ZNF415: variants seen among roughly 807,000 people sequenced by gnomAD.
The protein encoded by ZNF415 is zinc finger protein 415.
ZNF415 carries 5 observed loss-of-function variants against 7.3 expected under a neutral mutation model. That is an observed-to-expected ratio of 0.69 (90% CI 0.36 to 1.44). The LOEUF (loss-of-function observed/expected upper bound fraction) is 1.44, where lower values mean the gene tolerates loss of function less well. Among genes scored for constraint, ZNF415 ranks in the 40% most tolerant of loss-of-function variants. The pLI is 0.04. For missense variants in ZNF415, 628 were observed against 664.8 expected (o/e 0.94, Z 0.61); for synonymous variants, 207 against 226.3 (o/e 0.91, Z 0.77).
intron 2 of ZNF415, among the ~76,000 whole-genome samples, chr19:53,120,531 C>T (rs2087829223): frequency 6.6e-6 from 1 of 152,056 alleles, no homozygotes; most frequent in Admixed American, 6.6e-5. Flanking sequence ...AAAAGGGATA[C>T]TCTATATCTA....
At chr19:53,129,513 A>C (rs2089762763) in intron 1 of ZNF415, 1 of 404,152 alleles carries the variant, frequency 2.5e-6, no homozygotes, top group South Asian at 1.2e-4. Flanking sequence ...GTCCCCCCAC[A>C]TACAACTGCC....
intron 3 of ZNF415, chr19:53,115,603 G>A: frequency 1.1e-6 from 1 of 891,610 alleles, no homozygotes; most frequent in Non-Finnish European, 1.8e-6. Context: ...AGAGCTCACA[G>A]GATATAAACA....
At chr19:53,125,484 C>A (rs117897115) in intron 1 of ZNF415, among the ~76,000 whole-genome samples, 1 of 151,860 alleles carries the variant, frequency 6.6e-6, no homozygotes, top group African/African-American at 2.4e-5. Context: ...ACAAGAGGCA[C>A]GAGCCACCAC....
chr19:53,130,875 A>G (rs981291936), intron 1 of ZNF415, among the ~76,000 whole-genome samples: 2 of 151,710 alleles, frequency 1.3e-5, no homozygotes, highest in Non-Finnish European at 2.9e-5. Context: ...TGAACTACTG[A>G]CCTTGTGATT....
At chr19:53,125,172 T>C (rs2088835133) in intron 1 of ZNF415, among the ~76,000 whole-genome samples, 1 of 151,766 alleles carries the variant, frequency 6.6e-6, no homozygotes, top group Non-Finnish European at 1.5e-5. Context: ...GCCTCCCGAG[T>C]AGCTGGGATT....
At chr19:53,116,195 C>A (rs1336616135) in intron 3 of ZNF415, 118 bp downstream of exon 3, 1 of 1,194,924 alleles carries the variant, frequency 8.4e-7, no homozygotes, top group South Asian at 1.5e-5. Context: ...CTTTTCATTT[C>A]AGAGTCAACA....
chr19:53,117,738 C>G (rs909376892), intron 2 of ZNF415, among the ~76,000 whole-genome samples: 4 of 152,048 alleles, frequency 2.6e-5, no homozygotes, highest in African/African-American at 9.7e-5. Context: ...TTAAGGGATC[C>G]CTACATCTAG....
rs748208611 is a variant in ZNF415 at position 53,108,619 on chromosome 19, C to T, written c.1426G>A (p.Gly476Ser). The change falls in exon 4 of 4, where the codon GGC becomes AGC. Residue 476 changes from glycine to serine, a missense_variant. Physicochemically the swap from Gly to Ser is moderately conservative, Grantham distance 56 (BLOSUM62 0). Transcript: ENST00000243643. ...GTTAGGCTTGAATGCACACTGAAGC[C>T]TTTGCCACATTGATTACATTTGTAA... ...KPYKCNQCGK[G>S]FSVHSSLTTH... 6.2e-7 allele frequency: 1 copy of T among 1,613,990 alleles called. No homozygotes were observed. The highest frequency in any genetic ancestry group is 2.2e-5 in the East Asian group (1 of 44,884).
At chr19:53,127,969 T>C (rs2089481144) in intron 1 of ZNF415, among the ~76,000 whole-genome samples, 1 of 152,010 alleles carries the variant, frequency 6.6e-6, no homozygotes, top group African/African-American at 2.4e-5. Flanking sequence ...CCCACGTCCA[T>C]GTGCTACAGC....
chr19:53,109,931 G>A (rs2085991249), intron 3 of ZNF415, 23 bp from the exon 4 acceptor site: 7 of 1,521,240 alleles, frequency 4.6e-6, no homozygotes, highest in Non-Finnish European at 6.2e-6. Context: ...AAAACCATAG[G>A]TTTCCAATTA....
chr19:53,109,937 A>C (rs771342000), intron 3 of ZNF415, 29 bp from the exon 4 acceptor site: 47 of 1,498,374 alleles, frequency 3.1e-5, no homozygotes, highest in Non-Finnish European at 3.9e-5. Flanking sequence ...ATAGGTTTCC[A>C]ATTAATTAGA....
chr19:53,120,641 T>C (rs61080216), intron 2 of ZNF415, among the ~76,000 whole-genome samples: 3,212 of 152,230 alleles, frequency 0.021, 105 homozygotes, highest in African/African-American at 0.072. Flanking sequence ...ACAATACATA[T>C]AATAAGAATA....
At chr19:53,116,965 G>A (rs1192548200) in intron 2 of ZNF415, among the ~76,000 whole-genome samples, 1 of 152,206 alleles carries the variant, frequency 6.6e-6, no homozygotes, top group Non-Finnish European at 1.5e-5. Context: ...TGGTGTCCCA[G>A]AAGGTGGAGA....
chr19:53,131,662 C>G (rs1264415170), intron 1 of ZNF415, among the ~76,000 whole-genome samples: 1 of 152,004 alleles, frequency 6.6e-6, no homozygotes, highest in African/African-American at 2.4e-5. Flanking sequence ...TCCTCTCCTG[C>G]TGCTCCTCCC....
intron 1 of ZNF415, among the ~76,000 whole-genome samples, chr19:53,124,627 G>A (rs968452508): frequency 8.5e-5 from 13 of 152,124 alleles, no homozygotes; most frequent in African/African-American, 3.1e-4. Context: ...AGTGGGGCTG[G>A]CGTGTGGTAC....
At chr19:53,113,027 G>A (rs879766033) in intron 3 of ZNF415, among the ~76,000 whole-genome samples, 2 of 151,570 alleles carry the variant, frequency 1.3e-5, no homozygotes, top group Middle Eastern at 3.4e-3. Context: ...TGGAGGTTGC[G>A]GTGAGCTGAG....
chr19:53,115,522 C>A (rs2086887103), intron 3 of ZNF415, among the ~76,000 whole-genome samples: 1 of 152,066 alleles, frequency 6.6e-6, no homozygotes, highest in South Asian at 2.1e-4. Flanking sequence ...CCCCACTGGA[C>A]AGCAAAAGGA....
rs753060474 is a variant in ZNF415, at chr19:53,122,658, T to C, written c.15+4A>G. The C allele has an allele frequency of 6.2e-7, 1 of 1,614,166 alleles. No homozygotes were observed. The highest frequency in any genetic ancestry group is 8.5e-7 in the Non-Finnish European group (1 of 1,180,022). On this transcript the variant is annotated splice_donor_region_variant and intron_variant, in intron 2 of 3. Coordinates refer to ENST00000243643, the MANE Select transcript of ZNF415 (RefSeq NM_018355.4). ...AGAATGATCCACACAGAATCTTTCT[T>C]TACCTGAGTAAAAGCCATTCCTGAC...
In ZNF415 at chr19:53,109,422, T is replaced by G. The variant is rs1265693063; in HGVS notation, c.623A>C (p.Lys208Thr). The G allele has an allele frequency of 2.5e-6, 4 of 1,614,044 alleles. No individual in the cohort carries two copies. Among genetic ancestry groups the G allele is most frequent in the African/African-American group, 1.3e-5 (1 of 74,938 alleles). ...GTAAGGTTTTTCCCTAATGCATGATTTCTGTTCTTGTGTGAGTAATGAAGA... is the reference window on the plus strand; with the variant it reads ...GTAAGGTTTTTCCCTAATGCATGATGTCTGTTCTTGTGTGAGTAATGAAGA... ...ICSSLLTQEQ[K>T]SCIREKPYRY... The change falls in exon 4 of 4, where the codon AAA becomes ACA. Residue 208 changes from lysine (K) to threonine (T), a missense_variant. Coordinates refer to ENST00000243643, the MANE Select transcript of ZNF415 (RefSeq NM_018355.4).
Sources: allele counts gnomAD v4.1 joint callset (sites outside exome capture counted in the v4.1 genomes callset), GRCh38; gene constraint gnomAD v4.1.1; transcripts MANE v1.5; gene names NCBI Gene and HGNC (gene_info 2026-07-23, HGNC 2026-07-21).